Variants in KIAA1671 observed in about 807,000 individuals in gnomAD.
KIAA1671 encodes uncharacterized protein KIAA1671.
KIAA1671 carries 52 observed loss-of-function variants against 131.2 expected under a neutral mutation model. The ratio of observed to expected loss-of-function variants is 0.40; its 90% CI spans 0.32 to 0.50. The LOEUF (loss-of-function observed/expected upper bound fraction) is 0.50, where lower values mean the gene tolerates loss of function less well. Ranked by LOEUF, KIAA1671 falls within the 20% of genes least tolerant of loss-of-function variation. KIAA1671 has a pLI of 0.73. For synonymous variants in KIAA1671, 1,003 were observed against 961.6 expected (o/e 1.04, Z -0.80); for missense variants, 2,360 against 2,364.2 (o/e 1.00, Z 0.04).
intron 4 of KIAA1671, among the ~76,000 whole-genome samples, chr22:25,037,264 A>G (rs1198021690): frequency 6.6e-6 from 1 of 151,476 alleles, no homozygotes; most frequent in Non-Finnish European, 1.5e-5. Flanking sequence ...CGGAGGTTGC[A>G]GTGAGCCGAG....
At position 25,040,446 on chromosome 22, in the gene KIAA1671, A is replaced by G. The variant is rs1287792125; in HGVS notation, c.3316A>G (p.Thr1106Ala). Residue 1106 changes from threonine (T) to alanine (A), a missense_variant, in exon 5 of 13, where the codon ACA becomes GCA. By Grantham distance (58) the Thr-to-Ala change is moderately conservative. Transcript: ENST00000358431. ...NASILKTLKP[T>A]DRPSSLGAWS... is the part of the protein sequence containing the mutation. Reference sequence around the variant, plus strand: ...AAGCATTTTAAAAACTCTGAAGCCAACAGACCGTCCATCATCTCTTGGGGC... The same window carrying G: ...AAGCATTTTAAAAACTCTGAAGCCAGCAGACCGTCCATCATCTCTTGGGGC... 6 of 1,551,948 alleles carry G rather than the reference A, an allele frequency of 3.9e-6. No individual in the cohort carries two copies. The highest frequency in any genetic ancestry group is 5.2e-6 in the Non-Finnish European group (6 of 1,147,088).
intron 1 of KIAA1671, among the ~76,000 whole-genome samples, chr22:24,967,605 G>A (rs764006464): frequency 7.2e-5 from 11 of 152,242 alleles, no homozygotes; most frequent in Admixed American, 1.3e-4. Context: ...CAGAGAAGAG[G>A]AGGCAGAGAG....
At chr22:25,098,297 CCTCCT>C (rs1197316521) in intron 6 of KIAA1671, among the ~76,000 whole-genome samples, 1 of 152,128 alleles carries the variant, frequency 6.6e-6, no homozygotes, top group African/African-American at 2.4e-5. Flanking sequence ...CCTCCCCTCC[CCTCCT>C]CTCTCTCCCC....
At chr22:25,127,560 C>T (rs1932244384) in intron 6 of KIAA1671, among the ~76,000 whole-genome samples, 1 of 151,422 alleles carries the variant, frequency 6.6e-6, no homozygotes, top group African/African-American at 2.4e-5. Context: ...TTCTTCCCAT[C>T]CCATCCTGCC....
intron 6 of KIAA1671, among the ~76,000 whole-genome samples, chr22:25,137,508 T>C (rs1932730562): frequency 1.3e-5 from 2 of 152,354 alleles, no homozygotes; most frequent in Admixed American, 6.5e-5. Context: ...TGGCCAATAA[T>C]TGATGTTAAA....
chr22:24,990,279 C>T (rs1247035190), intron 1 of KIAA1671, among the ~76,000 whole-genome samples: 2 of 151,998 alleles, frequency 1.3e-5, no homozygotes, highest in African/African-American at 4.8e-5. Flanking sequence ...TTAGTAGAGA[C>T]AGGGTTTCAC....
rs200226589 is a variant in KIAA1671, at chr22:25,189,126, C to CTT, written c.5343-1558_5343-1557dup. 2.9e-3 allele frequency among the ~76,000 whole-genome samples: 337 copies of CTT among 114,870 alleles called. 2 individuals are homozygous for CTT. The highest frequency in any genetic ancestry group is 0.01 in the African/African-American group (300 of 29,822). The allele number at this position is 114,870 out of a possible 152,430, so 75.4% of individuals were successfully genotyped here. On this transcript the variant is annotated intron_variant, in intron 11 of 12. Transcript: ENST00000358431. ...TTCTTCCTGGGAGGCCAGTCTTTTT[C>CTT]TTTTTTTTTTTTTTTTTTTGTTTTG...
chr22:24,977,719 G>A (rs749599555), intron 1 of KIAA1671, among the ~76,000 whole-genome samples: 2 of 152,340 alleles, frequency 1.3e-5, no homozygotes, highest in Non-Finnish European at 2.9e-5. Flanking sequence ...CTTGGCCTAC[G>A]TCACCCTGCA....
At chr22:25,068,052 C>A (rs958727383) in intron 6 of KIAA1671, among the ~76,000 whole-genome samples, 1 of 152,276 alleles carries the variant, frequency 6.6e-6, no homozygotes, top group African/African-American at 2.4e-5. Flanking sequence ...CAGCAGGACC[C>A]AGTGCTCTGG....
At chr22:24,995,112 G>A (rs547240502) in intron 1 of KIAA1671, among the ~76,000 whole-genome samples, 2 of 150,734 alleles carry the variant, frequency 1.3e-5, no homozygotes, top group South Asian at 2.1e-4. Flanking sequence ...GTGCAGTGGC[G>A]CGATCTCAGC....
In KIAA1671 at chr22:25,108,503, A is replaced by G. The variant is rs61032263; in HGVS notation, c.4530+59139A>G. Among the ~76,000 whole-genome samples, 561 of 152,182 alleles carry G rather than the reference A, an allele frequency of 3.7e-3. 3 individuals are homozygous for G. The highest frequency in any genetic ancestry group is 0.013 in the African/African-American group (526 of 41,536). On this transcript the variant is annotated intron_variant, in intron 6 of 12. Coordinates refer to ENST00000358431, the MANE Select transcript of KIAA1671 (RefSeq NM_001145206.2). ...CAATCTGTGTGGGGAAAATGGACAA[A>G]CTTTGGAGGCCCACTTTGGATGCCA... is the stretch of plus-strand genomic sequence containing the variant.
At chr22:24,991,623 A>AT (rs34846801) in intron 1 of KIAA1671, among the ~76,000 whole-genome samples, 2,714 of 128,844 alleles carry the variant, frequency 0.021, 101 homozygotes, top group East Asian at 0.065. Flanking sequence ...CGCCCGGCTA[A>AT]TTTTTTTTTT....
At chr22:24,979,361 T>A (rs926221675) in intron 1 of KIAA1671, among the ~76,000 whole-genome samples, 1 of 147,346 alleles carries the variant, frequency 6.8e-6, no homozygotes, top group African/African-American at 2.5e-5. Context: ...TTTATTTATT[T>A]TTTTTTGAGA....
intron 6 of KIAA1671, chr22:25,063,779 G>C (rs141222855): frequency 2.0e-5 from 3 of 152,168 alleles, no homozygotes; most frequent in African/African-American, 4.8e-5. Context: ...ATACCGAAGC[G>C]TAACTATAAT....
chr22:25,154,986 C>G (rs1933180452), intron 6 of KIAA1671, among the ~76,000 whole-genome samples: 1 of 152,206 alleles, frequency 6.6e-6, no homozygotes, highest in African/African-American at 2.4e-5. Context: ...TCACACCCTC[C>G]TCAGAGCCCT....
At chr22:25,169,711 G>C (rs946690597) in intron 6 of KIAA1671, among the ~76,000 whole-genome samples, 22 of 152,196 alleles carry the variant, frequency 1.4e-4, no homozygotes, top group African/African-American at 4.8e-4. Context: ...CCGTGTGCCA[G>C]GCTTGGCCCT....
At chr22:25,046,283 C>A (rs1927220359) in intron 5 of KIAA1671, among the ~76,000 whole-genome samples, 1 of 151,756 alleles carries the variant, frequency 6.6e-6, no homozygotes, top group South Asian at 2.1e-4. Flanking sequence ...GCTTGGGCAA[C>A]AGAGCGAGAC....
intron 1 of KIAA1671, among the ~76,000 whole-genome samples, chr22:24,984,811 A>G (rs1376601976): frequency 1.3e-5 from 2 of 150,614 alleles, no homozygotes; most frequent in African/African-American, 4.9e-5. Context: ...CTACTCGGGA[A>G]GCTGAGGCAG....
chr22:25,143,526 C>T (rs1300335487), intron 6 of KIAA1671, among the ~76,000 whole-genome samples: 2 of 152,170 alleles, frequency 1.3e-5, no homozygotes, highest in Admixed American at 1.3e-4. Context: ...CTCCTCCCTT[C>T]CTTCCTTTCT....
Sources: allele counts gnomAD v4.1 joint callset (sites outside exome capture counted in the v4.1 genomes callset), GRCh38; gene constraint gnomAD v4.1.1; transcripts MANE v1.5; gene names NCBI Gene and HGNC (gene_info 2026-07-23, HGNC 2026-07-21).